Variants in MTMR2 observed in about 807,000 individuals in gnomAD.
MTMR2 encodes the protein myotubularin related protein 2, also known as phosphatidylinositol-3,5-bisphosphate 3-phosphatase MTMR2.
In MTMR2, 55 loss-of-function variants were observed where a neutral mutation model predicts 86.9. That is an observed-to-expected ratio of 0.63 (90% confidence interval 0.51 to 0.79). The LOEUF (loss-of-function observed/expected upper bound fraction) is 0.79, where lower values mean the gene tolerates loss of function less well. Ranked by LOEUF, MTMR2 falls within the 30% of genes least tolerant of loss-of-function variation. The pLI, the probability that MTMR2 is intolerant of heterozygous loss-of-function variation, is 0.00. For missense variants in MTMR2, 659 were observed against 772.3 expected (o/e 0.85, Z 1.74); for synonymous variants, 241 against 266.8 (o/e 0.90, Z 0.94).
At chr11:95,890,600 A>T (rs1865682407) in intron 1 of MTMR2, among the ~76,000 whole-genome samples, 1 of 152,240 alleles carries the variant, frequency 6.6e-6, no homozygotes, top group Non-Finnish European at 1.5e-5. Context: ...TAAAATAAGA[A>T]TATAAAGTTT....
chr11:95,887,414 T>A (rs551350464), intron 2 of MTMR2, among the ~76,000 whole-genome samples: 1 of 151,384 alleles, frequency 6.6e-6, no homozygotes, highest in Non-Finnish European at 1.5e-5. Context: ...TGTTTCGTGT[T>A]TTTTGGAGAA....
chr11:95,905,337 A>ACACACACACACCTGCGCGCG (rs1866225439), intron 1 of MTMR2, among the ~76,000 whole-genome samples: 1 of 127,602 alleles, frequency 7.8e-6, no homozygotes, highest in Non-Finnish European at 1.6e-5. Flanking sequence ...CTGCGCACAC[A>ACACACACACACCTGCGCGCG]CACACACACA....
At chr11:95,867,925 T>C (rs187631715) in intron 2 of MTMR2, among the ~76,000 whole-genome samples, 1 of 151,786 alleles carries the variant, frequency 6.6e-6, no homozygotes, top group East Asian at 1.9e-4. Flanking sequence ...AAAGCATGTA[T>C]AAGGTACTTG....
intron 7 of MTMR2, among the ~76,000 whole-genome samples, chr11:95,855,015 G>T (rs1391228818): frequency 6.6e-6 from 1 of 151,398 alleles, no homozygotes; most frequent in African/African-American, 2.4e-5. Context: ...TCACCATGTT[G>T]CCCAGGCTTG....
At position 95,850,628 on chromosome 11, in the gene MTMR2, G is replaced by T. The variant is rs1863979643; in HGVS notation, c.776C>A (p.Ala259Glu). 1 of 1,614,056 alleles carries T rather than the reference G, an allele frequency of 6.2e-7. No individual in the cohort carries two copies. The change falls in exon 8 of 15, where the codon GCA becomes GAA. Residue 259 changes from alanine (A) to glutamate (E), a missense_variant. Physicochemically the swap from Ala to Glu is moderately radical, Grantham distance 107. Around this residue, in one of 3 missense-constraint regions of MTMR2, gnomAD observed 387 missense variants for 526.3 expected, o/e 0.74. Transcript: ENST00000346299. ...NIPDEELKRVASFRSRGRIPV... is the reference protein window; with the variant it reads ...NIPDEELKRVESFRSRGRIPV... ...GATACGGCCTCTTGATCTGAAGGAT[G>T]CCACTCTCTTTAATTCTTCATCAGG...
chr11:95,857,673 T>G (rs1422006469), intron 6 of MTMR2, 38 bp from the exon 7 acceptor site: 1 of 1,350,586 alleles, frequency 7.4e-7, no homozygotes, highest in African/African-American at 1.4e-5. Context: ...CTAAAAAAGA[T>G]ATTCACAAAG....
chr11:95,897,551 G>T (rs1401340744), intron 1 of MTMR2, among the ~76,000 whole-genome samples: 2 of 152,020 alleles, frequency 1.3e-5, no homozygotes, highest in African/African-American at 4.8e-5. Context: ...CTATCACTGT[G>T]CAAATTCAAC....
chr11:95,859,652 T>C (rs1019718677), intron 5 of MTMR2, among the ~76,000 whole-genome samples: 13 of 152,186 alleles, frequency 8.5e-5, no homozygotes, highest in Non-Finnish European at 1.9e-4. Context: ...TAGTGAGACC[T>C]TGTCTCTACA....
At chr11:95,847,619 G>A in intron 10 of MTMR2, 95 bp downstream of exon 10, 1 of 1,123,020 alleles carries the variant, frequency 8.9e-7, no homozygotes, top group Non-Finnish European at 1.4e-6. Context: ...TGTTTAGAAA[G>A]GTACCTTCAT....
intron 2 of MTMR2, among the ~76,000 whole-genome samples, chr11:95,871,161 A>T (rs1864866285): frequency 6.6e-6 from 1 of 152,190 alleles, no homozygotes; most frequent in African/African-American, 2.4e-5. Flanking sequence ...GTTGGTTCCA[A>T]GTCTTTGCTA....
At chr11:95,873,347 T>G (rs1864969694) in intron 2 of MTMR2, among the ~76,000 whole-genome samples, 1 of 152,236 alleles carries the variant, frequency 6.6e-6, no homozygotes, top group Admixed American at 6.5e-5. Flanking sequence ...AGAGTGTATG[T>G]GTCGAGGAAT....
At chr11:95,894,884 C>T (rs916632056) in intron 1 of MTMR2, among the ~76,000 whole-genome samples, 7 of 152,158 alleles carry the variant, frequency 4.6e-5, no homozygotes, top group African/African-American at 1.7e-4. Context: ...GAGTAAAAAT[C>T]GAATGCTCCT....
intron 2 of MTMR2, among the ~76,000 whole-genome samples, chr11:95,877,061 A>G (rs1163849687): frequency 1.3e-5 from 2 of 152,220 alleles, no homozygotes; most frequent in Non-Finnish European, 2.9e-5. Context: ...TATCCTCCAC[A>G]GTCTTTTTAC....
intron 1 of MTMR2, among the ~76,000 whole-genome samples, chr11:95,903,489 A>C (rs1472618514): frequency 1.3e-5 from 2 of 152,164 alleles, no homozygotes; most frequent in East Asian, 1.9e-4. Context: ...CAGAAAAAAA[A>C]CACCACCACA....
At chr11:95,847,936 A>C (rs933671949) in intron 9 of MTMR2, 37 bp from the exon 10 acceptor site, 1 of 1,563,472 alleles carries the variant, frequency 6.4e-7, no homozygotes, top group Non-Finnish European at 8.8e-7. Flanking sequence ...ATCATAAATG[A>C]ATGCACATCT....
At chr11:95,847,002 CTT>C (rs1863820614) in intron 10 of MTMR2, among the ~76,000 whole-genome samples, 1 of 152,162 alleles carries the variant, frequency 6.6e-6, no homozygotes. Context: ...CCCATTACCT[CTT>C]AATATTTATA....
chr11:95,838,306 G>GT (rs1863384554), intron 12 of MTMR2, 99 bp from the exon 13 acceptor site: 4 of 737,852 alleles, frequency 5.4e-6, no homozygotes, highest in Non-Finnish European at 9.9e-6. Context: ...TTAAAATGAA[G>GT]TTAAACATTC....
intron 1 of MTMR2, among the ~76,000 whole-genome samples, chr11:95,916,663 AAAAG>A (rs902085090): frequency 6.6e-6 from 1 of 152,136 alleles, no homozygotes; most frequent in Non-Finnish European, 1.5e-5. Context: ...TTAAAAAAAA[AAAAG>A]AATTTTCCAA....
At chr11:95,876,221 G>T (rs897780227) in intron 2 of MTMR2, among the ~76,000 whole-genome samples, 18 of 152,226 alleles carry the variant, frequency 1.2e-4, no homozygotes, top group Admixed American at 4.6e-4. Flanking sequence ...AGGCAGGCAG[G>T]CCTCCTTGAG....
Sources: allele counts gnomAD v4.1 joint callset (sites outside exome capture counted in the v4.1 genomes callset), GRCh38; gene constraint gnomAD v4.1.1; regional missense constraint gnomAD v4.1.1; transcripts MANE v1.5; gene names NCBI Gene and HGNC (gene_info 2026-07-23, HGNC 2026-07-21).